The following GUCA1C variants were observed in gnomAD, a reference collection of about 807,000 sequenced individuals.
The protein encoded by GUCA1C is guanylyl cyclase-activating protein 3.
A neutral mutation model predicts 16.2 loss-of-function variants in GUCA1C; 15 were observed. That is an observed-to-expected ratio of 0.93 (90% CI 0.62 to 1.43). The LOEUF is 1.43. Ranked by LOEUF, GUCA1C falls within the 40% of genes most tolerant of loss-of-function variation. GUCA1C has a pLI of 0.00. For missense variants in GUCA1C, 275 were observed against 244.8 expected (o/e 1.12, Z -0.82); for synonymous variants, 78 against 85.4 (o/e 0.91, Z 0.48).
Position 108,933,496 on chromosome 3 carries a change from G to A in GUCA1C, c.205-12911C>T, listed in dbSNP as rs894890107. Among the ~76,000 whole-genome samples the A allele has an allele frequency of 4.6e-5, 7 of 152,000 alleles. No individual in the cohort carries two copies. The East Asian group carries it at 5.8e-4, about 13-fold the overall frequency. On this transcript the variant is annotated intron_variant, in intron 1 of 3. Transcript: ENST00000261047. Reference sequence around the variant, plus strand: ...TTGGCTCCATTATATATTGTGAATCGTTTCATAAGGGGGAGAGGAAAGAAA... The same window carrying A: ...TTGGCTCCATTATATATTGTGAATCATTTCATAAGGGGGAGAGGAAAGAAA...
intron 1 of GUCA1C, among the ~76,000 whole-genome samples, chr3:108,924,278 T>G (rs190335167): frequency 6.6e-6 from 1 of 152,290 alleles, no homozygotes; most frequent in Admixed American, 6.5e-5. Flanking sequence ...TGGCTGTGGG[T>G]TTGTCACAGA....
chr3:108,933,320 A>C (rs970994963), intron 1 of GUCA1C, among the ~76,000 whole-genome samples: 2 of 152,188 alleles, frequency 1.3e-5, no homozygotes, highest in African/African-American at 4.8e-5. Flanking sequence ...GGAAGCATGC[A>C]TATAAAATAT....
At chr3:108,917,872 C>A (rs912982483) in intron 2 of GUCA1C, among the ~76,000 whole-genome samples, 1 of 151,986 alleles carries the variant, frequency 6.6e-6, no homozygotes, top group Non-Finnish European at 1.5e-5. Flanking sequence ...TGGTGAAACC[C>A]CGTTTCTACT....
chr3:108,948,874 G>A (rs953283790), intron 1 of GUCA1C, among the ~76,000 whole-genome samples: 1 of 148,918 alleles, frequency 6.7e-6, no homozygotes, highest in African/African-American at 2.5e-5. Context: ...CTGAGATGGA[G>A]TCTCACTCTG....
chr3:108,945,133 G>C (rs924521247), intron 1 of GUCA1C, among the ~76,000 whole-genome samples: 4 of 152,212 alleles, frequency 2.6e-5, no homozygotes, highest in Non-Finnish European at 5.9e-5. Context: ...CGAGAATTGG[G>C]TGTTTTGTAT....
intron 3 of GUCA1C, among the ~76,000 whole-genome samples, chr3:108,909,724 G>A (rs976506380): frequency 4.6e-5 from 7 of 152,126 alleles, no homozygotes; most frequent in Non-Finnish European, 8.8e-5. Flanking sequence ...AGAAAAGATG[G>A]AAGTATTCAC....
At position 108,913,024 on chromosome 3, in the gene GUCA1C, CA is replaced by C. The variant is rs201280257; in HGVS notation, c.442+3102del. On this transcript the variant is annotated intron_variant, in intron 3 of 3. Coordinates refer to ENST00000261047, the MANE Select transcript of GUCA1C (RefSeq NM_005459.4). Reference sequence around the variant, plus strand: ...TATGAGAATTATGTTTAGAATATTTCACAACTGTTGTGTATTTTTCTGTCAC... The same window carrying C: ...TATGAGAATTATGTTTAGAATATTTCCAACTGTTGTGTATTTTTCTGTCAC... 9.3e-3 allele frequency among the ~76,000 whole-genome samples: 1,411 copies of C among 152,150 alleles called. 27 individuals are homozygous for C. The highest frequency in any genetic ancestry group is 0.032 in the African/African-American group (1,340 of 41,514).
At position 108,916,224 on chromosome 3, in the gene GUCA1C, G is replaced by T; in HGVS notation, c.355-10C>A. 1.2e-6 allele frequency: 2 copies of T among 1,602,234 alleles called. No homozygotes were observed. The highest frequency in any genetic ancestry group is 1.7e-6 in the Non-Finnish European group (2 of 1,176,928). On this transcript the variant is annotated splice_polypyrimidine_tract_variant and intron_variant, in intron 2 of 3. Coordinates refer to ENST00000261047, the MANE Select transcript of GUCA1C (RefSeq NM_005459.4). The stretch of plus-strand genomic sequence containing the variant: ...TGAGGGCTTGTACCGCCTGCAAAAA[G>T]ACATTAAATGAAAGAGGTCAACTTT...
intron 3 of GUCA1C, among the ~76,000 whole-genome samples, chr3:108,908,443 C>T (rs1272544042): frequency 1.3e-5 from 2 of 150,270 alleles, no homozygotes; most frequent in African/African-American, 2.5e-5. Context: ...TTGAAAACAT[C>T]AGGTAATGCC....
At chr3:108,917,925 A>G (rs1946533926) in intron 2 of GUCA1C, among the ~76,000 whole-genome samples, 2 of 152,104 alleles carry the variant, frequency 1.3e-5, no homozygotes, top group African/African-American at 4.8e-5. Flanking sequence ...GGCGCCTGTA[A>G]TCCTAGCTAC....
rs1559848146 is a variant in GUCA1C, at chr3:108,943,978, T to TA, written c.204+9580_204+9581insT. Among the ~76,000 whole-genome samples the TA allele has an allele frequency of 3.3e-5, 5 of 151,672 alleles. No individual in the cohort carries two copies. The East Asian group carries it at 9.6e-4, about 29-fold the overall frequency. ...AATAACTTATAGAAAAAATTTTTAA[T>TA]TAAATAAATAAATATAATGATAAAC... is the stretch of plus-strand genomic sequence containing the variant. On this transcript the variant is annotated intron_variant, in intron 1 of 3. Transcript: ENST00000261047.
chr3:108,921,311 G>T (rs557104508), intron 1 of GUCA1C, among the ~76,000 whole-genome samples: 1 of 152,142 alleles, frequency 6.6e-6, no homozygotes, highest in South Asian at 2.1e-4. Flanking sequence ...ATACTCCATT[G>T]TCTGGATGTA....
intron 1 of GUCA1C, among the ~76,000 whole-genome samples, chr3:108,928,328 T>C (rs1004887791): frequency 6.6e-6 from 1 of 152,218 alleles, no homozygotes; most frequent in Non-Finnish European, 1.5e-5. Flanking sequence ...GGAGTTCTTT[T>C]TGTATTCTGG....
chr3:108,920,346 C>A (rs1183188681), intron 2 of GUCA1C, 90 bp downstream of exon 2: 3 of 910,566 alleles, frequency 3.3e-6, no homozygotes, highest in African/African-American at 1.7e-5. Context: ...AAATAGCCAA[C>A]CCCATAGACA....
intron 1 of GUCA1C, among the ~76,000 whole-genome samples, chr3:108,930,771 C>T (rs1168222098): frequency 6.6e-6 from 1 of 152,160 alleles, no homozygotes; most frequent in Non-Finnish European, 1.5e-5. Flanking sequence ...CAAAACCTAA[C>T]TGATTTTACC....
chr3:108,949,871 C>A (rs1159700210), intron 1 of GUCA1C, among the ~76,000 whole-genome samples: 1 of 152,114 alleles, frequency 6.6e-6, no homozygotes, highest in Non-Finnish European at 1.5e-5. Context: ...CACCTTATCA[C>A]ATACTTACCT....
chr3:108,914,705 C>T lies in GUCA1C; in HGVS notation c.442+1422G>A, dbSNP rs527438012. Among the ~76,000 whole-genome samples, 4 of 152,310 alleles carry T rather than the reference C, an allele frequency of 2.6e-5. No individual in the cohort carries two copies. In the South Asian group the frequency reaches 8.3e-4, roughly 32 times the overall value. On this transcript the variant is annotated intron_variant, in intron 3 of 3. Transcript: ENST00000261047. ...TACTCCAATCCCTGCCATCCTGCAG[C>T]ACCTCTAAGATTAAAAACAAAGTGA...
At chr3:108,925,326 A>G (rs1946613510) in intron 1 of GUCA1C, among the ~76,000 whole-genome samples, 1 of 152,124 alleles carries the variant, frequency 6.6e-6, no homozygotes, top group Non-Finnish European at 1.5e-5. Context: ...TTGTGTCACT[A>G]TTATCATTCA....
chr3:108,918,299 T>C (rs1356847411), intron 2 of GUCA1C, among the ~76,000 whole-genome samples: 3 of 152,204 alleles, frequency 2.0e-5, no homozygotes, highest in South Asian at 2.1e-4. Flanking sequence ...CCTCTTCCAG[T>C]GGCTCTGCAG....
Sources: allele counts gnomAD v4.1 joint callset (sites outside exome capture counted in the v4.1 genomes callset), GRCh38; gene constraint gnomAD v4.1.1; transcripts MANE v1.5; gene names NCBI Gene and HGNC (gene_info 2026-07-23, HGNC 2026-07-21).